The following SEL1L2 variants were observed in gnomAD, a reference collection of about 807,000 sequenced individuals.
SEL1L2 encodes protein sel-1 homolog 2.
Under a neutral mutation model 98.8 loss-of-function variants are expected in SEL1L2, and 89 were observed. The ratio of observed to expected loss-of-function variants is 0.90; its 90% CI spans 0.76 to 1.07. SEL1L2 has a LOEUF of 1.07. Among genes scored for constraint, SEL1L2 ranks in the 50% least tolerant of loss-of-function variants. SEL1L2 has a pLI of 0.00. For missense variants in SEL1L2, 788 were observed against 812.0 expected, an observed-to-expected ratio of 0.97 and a Z score of 0.36; for synonymous variants, 262 against 278.5, an observed-to-expected ratio of 0.94 and a Z score of 0.59.
chr20:13,954,955 G>A (rs755582921), intron 2 of SEL1L2, among the ~76,000 whole-genome samples: 1 of 152,190 alleles, frequency 6.6e-6, no homozygotes, highest in Non-Finnish European at 1.5e-5. Context: ...GATAAGAGAG[G>A]AGCTATATTC....
intron 1 of SEL1L2, among the ~76,000 whole-genome samples, chr20:13,959,365 T>C (rs1052947332): frequency 6.6e-6 from 1 of 152,156 alleles, no homozygotes; most frequent in Non-Finnish European, 1.5e-5. Flanking sequence ...TTTGGTGGTC[T>C]GCTGCCGGTC....
intron 1 of SEL1L2, among the ~76,000 whole-genome samples, chr20:13,964,965 A>G (rs1466982641): frequency 1.3e-5 from 2 of 151,992 alleles, no homozygotes; most frequent in Admixed American, 1.3e-4. Context: ...TCTTCCTTCT[A>G]ACCCCCTATT....
intron 17 of SEL1L2, among the ~76,000 whole-genome samples, chr20:13,861,115 C>A (rs749270408): frequency 2.6e-5 from 4 of 152,214 alleles, no homozygotes; most frequent in Non-Finnish European, 5.9e-5. Context: ...TCAAACCCTT[C>A]TTTTATCTTC....
intron 1 of SEL1L2, among the ~76,000 whole-genome samples, chr20:13,987,311 GTT>G (rs67919960): frequency 0.36 from 47,005 of 131,826 alleles, 8,356 homozygotes; most frequent in South Asian, 0.46. Flanking sequence ...TTAATTTACT[GTT>G]TTTTTTTTTT....
Position 13,951,145 on chromosome 20 carries a change from C to T in SEL1L2, c.114+4931G>A, listed in dbSNP as rs6042452. ...CAAAAAAATTAGCCGGGTGTGGTGG[C>T]GGGCGCCTATAGTCCCAGCTACTCG... is the stretch of plus-strand genomic sequence containing the variant. On this transcript the variant is annotated intron_variant, in intron 2 of 19. Transcript: ENST00000284951. Among the ~76,000 whole-genome samples, 825 of 151,130 alleles carry T rather than the reference C, an allele frequency of 5.5e-3. 7 individuals are homozygous for T. Among genetic ancestry groups the T allele is most frequent in the African/African-American group, 0.019 (768 of 41,182 alleles).
At chr20:13,930,654 C>G (rs925550674) in intron 3 of SEL1L2, among the ~76,000 whole-genome samples, 1 of 152,080 alleles carries the variant, frequency 6.6e-6, no homozygotes, top group African/African-American at 2.4e-5. Flanking sequence ...GAAAAAAATA[C>G]GCTTAAAATA....
At chr20:13,863,022 A>G (rs1990423112) in intron 17 of SEL1L2, among the ~76,000 whole-genome samples, 1 of 152,144 alleles carries the variant, frequency 6.6e-6, no homozygotes, top group Non-Finnish European at 1.5e-5. Flanking sequence ...TGGCAAAGAC[A>G]TTAGTTATCA....
chr20:13,888,894 C>T (rs555971779), intron 5 of SEL1L2, among the ~76,000 whole-genome samples: 36 of 151,190 alleles, frequency 2.4e-4, no homozygotes, highest in African/African-American at 6.3e-4. Flanking sequence ...GATCTACCCG[C>T]CTCGGCCTCC....
chr20:13,922,126 T>A (rs1315406654), intron 3 of SEL1L2, among the ~76,000 whole-genome samples: 1 of 152,216 alleles, frequency 6.6e-6, no homozygotes, highest in East Asian at 1.9e-4. Context: ...ATGAATTAAG[T>A]CCTTGTACCA....
At chr20:13,947,575 T>C (rs1295014928) in intron 2 of SEL1L2, among the ~76,000 whole-genome samples, 2 of 143,088 alleles carry the variant, frequency 1.4e-5, no homozygotes, top group Admixed American at 1.4e-4. Context: ...CGCTGAATGG[T>C]GGAATTGAAA....
chr20:13,987,410 A>C (rs1457130236), intron 1 of SEL1L2, among the ~76,000 whole-genome samples: 4 of 149,110 alleles, frequency 2.7e-5, no homozygotes, highest in Non-Finnish European at 5.9e-5. Context: ...CAGTGGTGCG[A>C]TCTCGGCTCA....
At chr20:13,959,976 A>G (rs1161577823) in intron 1 of SEL1L2, among the ~76,000 whole-genome samples, 1 of 152,246 alleles carries the variant, frequency 6.6e-6, no homozygotes, top group Non-Finnish European at 1.5e-5. Flanking sequence ...GTAATGTGAC[A>G]TCTCTCAATT....
At chr20:13,955,932 T>C (rs192309373) in intron 2 of SEL1L2, 144 bp downstream of exon 2, 2 of 582,688 alleles carry the variant, frequency 3.4e-6, no homozygotes, top group South Asian at 2.1e-5. Context: ...AAGCAAATGT[T>C]TGTTGAATGA....
chr20:13,868,606 CTTT>C (rs1259507156), intron 14 of SEL1L2, among the ~76,000 whole-genome samples: 3 of 138,582 alleles, frequency 2.2e-5, no homozygotes, highest in Non-Finnish European at 1.6e-5. Context: ...TTCTTTCTTA[CTTT>C]TTTTTTTTTT....
At chr20:13,872,691 C>A (rs1282233041) in intron 12 of SEL1L2, among the ~76,000 whole-genome samples, 3 of 152,116 alleles carry the variant, frequency 2.0e-5, no homozygotes, top group African/African-American at 7.2e-5. Flanking sequence ...AAATTACTTT[C>A]TCCTCTAAGG....
chr20:13,975,951 G>A (rs2051512083), intron 1 of SEL1L2, among the ~76,000 whole-genome samples: 1 of 152,024 alleles, frequency 6.6e-6, no homozygotes, highest in African/African-American at 2.4e-5. Flanking sequence ...CCCTCCCAAA[G>A]TCCCAAAGTG....
At position 13,913,853 on chromosome 20, in the gene SEL1L2, C is replaced by G. The variant is rs367596074; in HGVS notation, c.478G>C (p.Val160Leu). The change falls in exon 5 of 20, where the codon GTG becomes CTG. Residue 160 changes from valine (V) to leucine (L), a missense_variant. By Grantham distance (32) the Val-to-Leu change is conservative. Coordinates refer to ENST00000284951, the MANE Select transcript of SEL1L2 (RefSeq NM_025229.2). ...TGGATAGCTGCTGTTATATTTTGCA[C>G]GCCAAAATTTCCAAATAGCAAAGCG... ...ADALLFGNFG[V>L]QNITAAIQLY... 1.9e-6 allele frequency: 3 copies of G among 1,559,022 alleles called. No homozygotes were observed. The highest frequency in any genetic ancestry group is 2.5e-5 in the South Asian group (2 of 79,486).
intron 5 of SEL1L2, among the ~76,000 whole-genome samples, chr20:13,895,073 T>C (rs2047364277): frequency 6.6e-6 from 1 of 152,234 alleles, no homozygotes; most frequent in East Asian, 1.9e-4. Context: ...GCAAACTGAA[T>C]TCATGGCACA....
chr20:13,971,768 T>C (rs559223922), intron 1 of SEL1L2, among the ~76,000 whole-genome samples: 31 of 152,240 alleles, frequency 2.0e-4, no homozygotes, highest in African/African-American at 6.7e-4. Flanking sequence ...TGGATCATTT[T>C]TGTGATTCGT....
Sources: allele counts gnomAD v4.1 joint callset (sites outside exome capture counted in the v4.1 genomes callset), GRCh38; gene constraint gnomAD v4.1.1; transcripts MANE v1.5; gene names NCBI Gene and HGNC (gene_info 2026-07-23, HGNC 2026-07-21).